The following CELSR3 variants were observed in gnomAD, a reference collection of about 807,000 sequenced individuals.
The protein encoded by CELSR3 is EGF-like protein 1.
CELSR3 carries 73 observed loss-of-function variants against 270.0 expected under a neutral mutation model. The observed-to-expected ratio is 0.27, with a 90% CI of 0.22 to 0.33. CELSR3 has a LOEUF of 0.33. Ranked by LOEUF, CELSR3 falls within the 10% of genes least tolerant of loss-of-function variation. CELSR3 has a pLI of 1.00. For synonymous variants in CELSR3, 1,780 were observed against 1,905.4 expected, an observed-to-expected ratio of 0.93 and a Z score of 1.71; for missense variants, 3,614 against 4,533.8, an observed-to-expected ratio of 0.80 and a Z score of 5.83.
In CELSR3 at chr3:48,642,490, A is replaced by C; in HGVS notation, c.8556-23T>G. 1.2e-6 allele frequency: 2 copies of C among 1,605,456 alleles called. No individual in the cohort carries two copies. The highest frequency in any genetic ancestry group is 1.7e-6 in the Non-Finnish European group (2 of 1,175,876). On this transcript the variant is annotated intron_variant, in intron 30 of 34. Coordinates refer to ENST00000164024, the MANE Select transcript of CELSR3 (RefSeq NM_001407.3). The surrounding 1 kb of genome is among the most constrained non-coding windows in gnomAD (Gnocchi z 6.1). ...TCCCTGGAAAAGCAGGAGCCCCCCC[A>C]CCATGAAAGAGGGATGTGATGGGGT...
In CELSR3 at chr3:48,653,794, T is replaced by C; in HGVS notation, c.5279-6A>G. 1 of 1,613,458 alleles carries C rather than the reference T, an allele frequency of 6.2e-7. No individual in the cohort carries two copies. The highest frequency in any genetic ancestry group is 8.5e-7 in the Non-Finnish European group (1 of 1,179,648). On this transcript the variant is annotated splice_region_variant and splice_polypyrimidine_tract_variant and intron_variant, in intron 8 of 34. Coordinates refer to ENST00000164024, the MANE Select transcript of CELSR3 (RefSeq NM_001407.3). This position sits in a 1 kb window ranked among gnomAD's most constrained non-coding sequence, Gnocchi z 6.5. ...ATGGTGGGGATGGGCCATAGCTGAG[T>C]GGATAAGAGAAACAGGGTTACAGCC... is the stretch of plus-strand genomic sequence containing the variant.
intron 16 of CELSR3, among the ~76,000 whole-genome samples, chr3:48,649,538 TACAC>T (rs1401001132): frequency 6.6e-6 from 1 of 152,132 alleles, no homozygotes; most frequent in Non-Finnish European, 1.5e-5. Context: ...GCTCACCAAT[TACAC>T]ACAGATGTAT....
rs763695302 is a variant in CELSR3, at chr3:48,652,081, A to T, written c.5752-33T>A. 1.3e-6 allele frequency: 2 copies of T among 1,496,922 alleles called. No homozygotes were observed. Among genetic ancestry groups the T allele is most frequent in the Admixed American group, 4.9e-5 (2 of 40,644 alleles). 92.7% of individuals were successfully genotyped at this position (1,496,922 alleles called of 1,614,324 possible). On this transcript the variant is annotated intron_variant, in intron 11 of 34. Transcript: ENST00000164024. The surrounding 1 kb of genome is among the most constrained non-coding windows in gnomAD (Gnocchi z 4.3). ...CACACAGCCAGCAAGGGGTGAGACC[A>T]TGTTAAGGCACCTCAGCCTCAAGTA...
At position 48,641,799 on chromosome 3, in the gene CELSR3, T is replaced by A; in HGVS notation, c.8824+52A>T. 1.4e-6 allele frequency: 2 copies of A among 1,416,264 alleles called. No homozygotes were observed. The highest frequency in any genetic ancestry group is 1.9e-6 in the Non-Finnish European group (2 of 1,078,424). The allele number at this position is 1,416,264 out of a possible 1,614,324, so 87.7% of individuals were successfully genotyped here. ...CAGGAAAGATGGGGAGCTGGAGGGA[T>A]AACAAATGGGGCATCCCTTGGTCAC... On this transcript the variant is annotated intron_variant, in intron 32 of 34. Transcript: ENST00000164024. The surrounding 1 kb of genome is among the most constrained non-coding windows in gnomAD (Gnocchi z 4.8).
At position 48,640,103 on chromosome 3, in the gene CELSR3, C is replaced by A; in HGVS notation, c.9482G>T (p.Arg3161Leu). The A allele has an allele frequency of 1.2e-6, 2 of 1,610,956 alleles. No individual in the cohort carries two copies. The highest frequency in any genetic ancestry group is 2.2e-5 in the South Asian group (2 of 91,024). ...GGGCTGTGGGTCAAGGTCCCGGGTG[C>A]GGCGGGGCGGAGGCAGCGTGCTCAA... ...EWLSTLPPPR[R>L]TRDLDPQPPP... The change falls in exon 34 of 35, where the codon CGC (arginine) becomes CTC (leucine). Residue 3161 changes from arginine (R) to leucine (L), a missense_variant. Physicochemically the swap from Arg to Leu is moderately radical, Grantham distance 102. This residue lies in a region of CELSR3 where 1,240 missense variants were observed against 1,351.7 expected (regional missense o/e 0.92). Coordinates refer to ENST00000164024, the MANE Select transcript of CELSR3 (RefSeq NM_001407.3). This position sits in a 1 kb window ranked among gnomAD's most constrained non-coding sequence, Gnocchi z 7.5.
In CELSR3 at chr3:48,657,011, C is replaced by G; in HGVS notation, c.4086G>C (p.Ala1362=). 1 of 1,613,206 alleles carries G rather than the reference C, an allele frequency of 6.2e-7. No individual in the cohort carries two copies. The highest frequency in any genetic ancestry group is 1.1e-5 in the South Asian group (1 of 91,052). ...LQEQLYVRRA[A]LAARSLLDVL... ...CGTCGAGCAGGGAGCGAGCCGCCAG[C>G]GCCGCCCGGCGCACGTACAACTGCT... Residue 1362 remains alanine, a synonymous_variant, in exon 2 of 35, where the codon GCG becomes GCC. Coordinates refer to ENST00000164024, the MANE Select transcript of CELSR3 (RefSeq NM_001407.3). The surrounding 1 kb of genome is among the most constrained non-coding windows in gnomAD (Gnocchi z 5.4).
rs2046983723 is a variant in CELSR3, at chr3:48,637,548, C to T, written c.*657G>A. 6.5e-6 allele frequency: 1 copy of T among 152,690 alleles called. No homozygotes were observed. Among genetic ancestry groups the T allele is most frequent in the South Asian group, 2.1e-4 (1 of 4,834 alleles). The allele number at this position is 152,690 out of a possible 1,614,324, so 9.5% of individuals were successfully genotyped here. A position where few individuals can be genotyped will look rare whatever the true frequency, so the allele number is the denominator to read the frequency against. On this transcript the variant is annotated 3_prime_UTR_variant, in exon 35 of 35. Coordinates refer to ENST00000164024, the MANE Select transcript of CELSR3 (RefSeq NM_001407.3). Reference sequence around the variant, plus strand: ...CAGCTGCTCCACCAGCACCCCACAGCATCAGTCCTAGGTCATAAGGCAGTA... The same window carrying T: ...CAGCTGCTCCACCAGCACCCCACAGTATCAGTCCTAGGTCATAAGGCAGTA...
chr3:48,655,180 C>T lies in CELSR3; in HGVS notation c.4852G>A (p.Gly1618Ser). ...TTGTCCTTGGAGGGGCCCTGTGCAC[C>T]CCCTAGGGCATCTGTCCGGGGCTGA... ...YNKPRTDALG[G>S]AQGPSKDKVA... Residue 1618 changes from glycine to serine, a missense_variant, in exon 6 of 35, where the codon GGT (glycine) becomes AGT (serine). By Grantham distance (56) the Gly-to-Ser change is moderately conservative. Coordinates refer to ENST00000164024, the MANE Select transcript of CELSR3 (RefSeq NM_001407.3). The surrounding 1 kb of genome is among the most constrained non-coding windows in gnomAD (Gnocchi z 5.8). 2 of 1,613,884 alleles carry T rather than the reference C, an allele frequency of 1.2e-6. No individual in the cohort carries two copies. The highest frequency in any genetic ancestry group is 2.2e-5 in the South Asian group (2 of 91,072).
Position 48,660,272 on chromosome 3 carries a change from G to A in CELSR3, c.2363C>T (p.Ala788Val), listed in dbSNP as rs572059170. Residue 788 changes from alanine (A) to valine (V), a missense_variant, in exon 1 of 35, where the codon GCC becomes GTC. Physicochemically the swap from Ala to Val is moderately conservative, Grantham distance 64. Coordinates refer to ENST00000164024, the MANE Select transcript of CELSR3 (RefSeq NM_001407.3). The surrounding 1 kb of genome is among the most constrained non-coding windows in gnomAD (Gnocchi z 5.5). ...GCCGCCTGTGATCTGGTAGCTGATGGCACTGTTGGCATCACGGTCTACTGC... is the reference window on the plus strand; with the variant it reads ...GCCGCCTGTGATCTGGTAGCTGATGACACTGTTGGCATCACGGTCTACTGC... ...VTAVDRDANS[A>V]ISYQITGGNT... 4.3e-6 allele frequency: 7 copies of A among 1,614,042 alleles called. No homozygotes were observed. The South Asian group carries it at 5.5e-5, about 13-fold the overall frequency.
Position 48,654,510 on chromosome 3 carries a change from G to T in CELSR3, c.4989-58C>A. On this transcript the variant is annotated intron_variant, in intron 6 of 34. Transcript: ENST00000164024. This position sits in a 1 kb window ranked among gnomAD's most constrained non-coding sequence, Gnocchi z 5.4. ...CTGGGGCCAGAGTAGAGTTGCTCCTGGGGGGCCACAGGAAGCAGGGGGGTA... is the reference window on the plus strand; with the variant it reads ...CTGGGGCCAGAGTAGAGTTGCTCCTTGGGGGCCACAGGAAGCAGGGGGGTA... The T allele has an allele frequency of 1.4e-6, 2 of 1,466,430 alleles. No homozygotes were observed. Among genetic ancestry groups the T allele is most frequent in the Non-Finnish European group, 9.2e-7 (1 of 1,089,204 alleles). 90.8% of individuals were successfully genotyped at this position (1,466,430 alleles called of 1,614,324 possible).
At chr3:48,648,224 G>T in intron 19 of CELSR3, 42 bp downstream of exon 19, 2 of 1,586,356 alleles carry the variant, frequency 1.3e-6, no homozygotes, top group Non-Finnish European at 1.7e-6. Context: ...GCCCTTTCAT[G>T]GCCCCCCTGC....
At position 48,662,352 on chromosome 3, in the gene CELSR3, C is replaced by A; in HGVS notation, c.283G>T (p.Ala95Ser). 6 of 1,613,046 alleles carry A rather than the reference C, an allele frequency of 3.7e-6. No homozygotes were observed. Among genetic ancestry groups the A allele is most frequent in the Non-Finnish European group, 4.2e-6 (5 of 1,180,002 alleles). ...TCAGGGGGCCCTCGACTATTCCGGG[C>A]GCTTTGCCTTCTCCCTCGGAGCCCC... ...FVGLRGRRQS[A>S]RNSRGPPEQP... The change falls in exon 1 of 35, where the codon GCC becomes TCC. Residue 95 changes from alanine to serine, a missense_variant. Transcript: ENST00000164024. The surrounding 1 kb of genome is among the most constrained non-coding windows in gnomAD (Gnocchi z 7.1).
Position 48,639,572 on chromosome 3 carries a change from C to A in CELSR3, c.9911+102G>T. 6.7e-7 allele frequency: 1 copy of A among 1,493,128 alleles called. No homozygotes were observed. The highest frequency in any genetic ancestry group is 9.1e-7 in the Non-Finnish European group (1 of 1,100,140). 92.5% of individuals were successfully genotyped at this position (1,493,128 alleles called of 1,614,324 possible). A position where few individuals can be genotyped will look rare whatever the true frequency, so the allele number is the denominator to read the frequency against. ...TGAGCCTGGGGTAGCCCACACCTGT[C>A]TGCCAGCCCTCATCCCCTTCTGTGG... is the stretch of plus-strand genomic sequence containing the variant. On this transcript the variant is annotated intron_variant, in intron 34 of 34. Transcript: ENST00000164024. The surrounding 1 kb of genome is among the most constrained non-coding windows in gnomAD (Gnocchi z 4.1).
rs758652861 is a variant in CELSR3, at chr3:48,652,481, C to CG, written c.5706dup (p.Gly1903ArgfsTer107). 6 of 1,613,724 alleles carry CG rather than the reference C, an allele frequency of 3.7e-6. No homozygotes were observed. The highest frequency in any genetic ancestry group is 2.5e-6 in the Non-Finnish European group (3 of 1,179,938). On this transcript the variant is annotated frameshift_variant, in exon 11 of 35. Coordinates refer to ENST00000164024, the MANE Select transcript of CELSR3 (RefSeq NM_001407.3). LOFTEE classifies it high-confidence loss of function. This position sits in a 1 kb window ranked among gnomAD's most constrained non-coding sequence, Gnocchi z 4.3. ...CCCTGAGGAGCCTCCTCTGCACTGC[C>CG]GGGGGGCAGGCCTCCCACGTGGAGC... is the stretch of plus-strand genomic sequence containing the variant.
rs2047144186 is a variant in CELSR3 at position 48,652,281 on chromosome 3, A to C, written c.5751+156T>G. ...TAATCCAAGCTAGACTCCCACCTCC[A>C]ATGCCACAGAAAGGCTTGACCTAGC... On this transcript the variant is annotated intron_variant, in intron 11 of 34. Coordinates refer to ENST00000164024, the MANE Select transcript of CELSR3 (RefSeq NM_001407.3). The surrounding 1 kb of genome is among the most constrained non-coding windows in gnomAD (Gnocchi z 4.3). 6.6e-6 allele frequency among the ~76,000 whole-genome samples: 1 copy of C among 152,118 alleles called. No individual in the cohort carries two copies. Among genetic ancestry groups the C allele is most frequent in the Admixed American group, 6.5e-5 (1 of 15,272 alleles).
In CELSR3 at chr3:48,656,923, A is replaced by G. The variant is rs765870622; in HGVS notation, c.4174T>C (p.Ser1392Pro). ...EPCENYMKCV[S>P]VLRFDSSAPF... ...GCGGACGAGTCAAAGCGGAGCACGG[A>G]CACGCATTTCATGTAGTTCTCACAG... Residue 1392 changes from serine (S) to proline (P), a missense_variant, in exon 2 of 35, where the codon TCC (serine) becomes CCC (proline). Physicochemically the swap from Ser to Pro is moderately conservative, Grantham distance 74. Transcript: ENST00000164024. 21 of 1,611,386 alleles carry G rather than the reference A, an allele frequency of 1.3e-5. No homozygotes were observed. The South Asian group carries it at 2.2e-4, about 17-fold the overall frequency.
At chr3:48,656,408 G>GC in intron 2 of CELSR3, 43 bp from the exon 3 acceptor site, 1 of 1,378,604 alleles carries the variant, frequency 7.3e-7, no homozygotes. Context: ...GCCCACGCCC[G>GC]CCCCTGCTCC....
At chr3:48,648,033 C>T in intron 19 of CELSR3, 37 bp from the exon 20 acceptor site, 2 of 1,606,748 alleles carry the variant, frequency 1.2e-6, no homozygotes, top group Non-Finnish European at 1.7e-6. Context: ...CCATCATGGA[C>T]CTCTTCCCCC....
Position 48,655,234 on chromosome 3 carries a change from C to T in CELSR3, c.4831-33G>A. 2 of 1,613,954 alleles carry T rather than the reference C, an allele frequency of 1.2e-6. No homozygotes were observed. Among genetic ancestry groups the T allele is most frequent in the Non-Finnish European group, 1.7e-6 (2 of 1,179,902 alleles). ...CGCAGGCACACCAGTCAACAGTGCC[C>T]CCAGTAACCCCTGAGGAGCAGAAGT... On this transcript the variant is annotated intron_variant, in intron 5 of 34. Coordinates refer to ENST00000164024, the MANE Select transcript of CELSR3 (RefSeq NM_001407.3). The surrounding 1 kb of genome is among the most constrained non-coding windows in gnomAD (Gnocchi z 5.8).
Sources: gnomAD v4.1 joint callset for allele counts (sites outside exome capture counted in the v4.1 genomes callset) on GRCh38, gnomAD v4.1.1 for gene constraint, gnomAD v4.1.1 regional missense constraint, Gnocchi (gnomAD v3.1) non-coding constraint, MANE v1.5 for transcripts, NCBI Gene and HGNC (gene_info 2026-07-23, HGNC 2026-07-21) for gene names.